The following KIF18A variants were observed in gnomAD, a reference collection of about 807,000 sequenced individuals.
The protein encoded by KIF18A is kinesin family member 18A.
Under a neutral mutation model 103.3 loss-of-function variants are expected in KIF18A, and 67 were observed. The observed-to-expected ratio is 0.65, with a 90% confidence interval of 0.53 to 0.79. KIF18A has a LOEUF of 0.79. Ranked by LOEUF, KIF18A falls within the 30% of genes least tolerant of loss-of-function variation. KIF18A has a pLI of 0.00. For synonymous variants in KIF18A, 367 were observed against 355.5 expected (o/e 1.03, Z -0.36); for missense variants, 1,032 against 1,062.5 (o/e 0.97, Z 0.40).
Position 28,045,080 on chromosome 11 carries a change from A to G in KIF18A, c.1949-8416T>C, listed in dbSNP as rs916630635. On this transcript the variant is annotated intron_variant, in intron 13 of 16. Coordinates refer to ENST00000263181, the MANE Select transcript of KIF18A (RefSeq NM_031217.4). ...TCTCTCAAATGTGTAGGATTTTAAGACATATAATTGATGAATGGTAGTGTA... is the reference window on the plus strand; with the variant it reads ...TCTCTCAAATGTGTAGGATTTTAAGGCATATAATTGATGAATGGTAGTGTA... Among the ~76,000 whole-genome samples, 4 of 152,084 alleles carry G rather than the reference A, an allele frequency of 2.6e-5. No individual in the cohort carries two copies. The East Asian group carries it at 7.7e-4, about 29-fold the overall frequency.
chr11:28,045,509 T>C (rs887171503), intron 13 of KIF18A, among the ~76,000 whole-genome samples: 1 of 151,934 alleles, frequency 6.6e-6, no homozygotes, highest in Admixed American at 6.6e-5. Context: ...TATTTAATTA[T>C]AAAATATTTC....
At chr11:28,064,580 AC>A (rs1565080944) in intron 11 of KIF18A, among the ~76,000 whole-genome samples, 1 of 152,092 alleles carries the variant, frequency 6.6e-6, no homozygotes, top group Non-Finnish European at 1.5e-5. Flanking sequence ...GTGCTCATGT[AC>A]CCTAAAACTT....
intron 10 of KIF18A, among the ~76,000 whole-genome samples, chr11:28,072,145 G>C (rs1480035148): frequency 1.3e-5 from 2 of 152,126 alleles, no homozygotes; most frequent in African/African-American, 4.8e-5. Flanking sequence ...CCTGACATTA[G>C]AGTGAAATGT....
intron 15 of KIF18A, among the ~76,000 whole-genome samples, chr11:28,028,948 G>C (rs370410901): frequency 3.3e-5 from 5 of 151,960 alleles, no homozygotes; most frequent in Admixed American, 1.3e-4. Flanking sequence ...ATAAATTCCT[G>C]GACACATACA....
chr11:28,082,678 C>T (rs1283427439), intron 9 of KIF18A, among the ~76,000 whole-genome samples, 178 bp downstream of exon 9: 1 of 151,930 alleles, frequency 6.6e-6, no homozygotes, highest in Non-Finnish European at 1.5e-5. Flanking sequence ...ACTAAATCTG[C>T]AATATCTCTG....
chr11:28,088,825 T>G, intron 5 of KIF18A, 104 bp from the exon 6 acceptor site: 2 of 892,932 alleles, frequency 2.2e-6, no homozygotes, highest in Non-Finnish European at 3.5e-6. Flanking sequence ...ATTTTCATTT[T>G]AAAAAACAAC....
At chr11:28,104,848 G>C (rs1340903226) in intron 1 of KIF18A, among the ~76,000 whole-genome samples, 1 of 152,042 alleles carries the variant, frequency 6.6e-6, no homozygotes, top group East Asian at 1.9e-4. Flanking sequence ...ATTTTTAAAA[G>C]ATATATATGT....
rs1851183367 is a variant in KIF18A, at chr11:28,082,921, G to C, written c.1197C>G (p.Ala399=). Residue 399 remains alanine (A), a synonymous_variant, in exon 9 of 17, where the codon GCC becomes GCG. Transcript: ENST00000263181. Reference sequence around the variant, plus strand: ...TTGCTTGGTCATTTTCATTAGTGAAGGCTTTCTGTTCTTCATAGGCTTTTA... The same window carrying C: ...TTGCTTGGTCATTTTCATTAGTGAACGCTTTCTGTTCTTCATAGGCTTTTA... ...EKLKAYEEQK[A]FTNENDQAKL... The C allele has an allele frequency of 4.4e-6, 7 of 1,604,968 alleles. No individual in the cohort carries two copies. Among genetic ancestry groups the C allele is most frequent in the African/African-American group, 1.3e-5 (1 of 74,634 alleles).
chr11:28,052,253 G>A (rs117062149), intron 13 of KIF18A, among the ~76,000 whole-genome samples: 124 of 152,078 alleles, frequency 8.2e-4, no homozygotes, highest in South Asian at 2.7e-3. Context: ...CACAATTGAG[G>A]TATGTTACAT....
rs1349488982 is a variant in KIF18A, at chr11:28,046,257, T to C, written c.1949-9593A>G. 1.3e-5 allele frequency among the ~76,000 whole-genome samples: 2 copies of C among 150,772 alleles called. 1 individual carries two copies. The highest frequency in any genetic ancestry group is 4.2e-4 in the South Asian group (2 of 4,778). Reference sequence around the variant, plus strand: ...AAGACACATGCACACGTATGTTTATTGCGGCACTATTCACAATAGCAAAGA... The same window carrying C: ...AAGACACATGCACACGTATGTTTATCGCGGCACTATTCACAATAGCAAAGA... On this transcript the variant is annotated intron_variant, in intron 13 of 16. Transcript: ENST00000263181.
chr11:28,044,999 G>C (rs1008316254), intron 13 of KIF18A, among the ~76,000 whole-genome samples: 1 of 152,038 alleles, frequency 6.6e-6, no homozygotes, highest in Non-Finnish European at 1.5e-5. Context: ...TATTTGGTGA[G>C]TGGTTAAGTG....
chr11:28,105,762 G>C lies in KIF18A; in HGVS notation c.-47+2302C>G, dbSNP rs1200680861. 4.6e-5 allele frequency among the ~76,000 whole-genome samples: 7 copies of C among 152,146 alleles called. No individual in the cohort carries two copies. In the East Asian group the frequency reaches 1.3e-3, roughly 29 times the overall value. On this transcript the variant is annotated intron_variant, in intron 1 of 16. Coordinates refer to ENST00000263181, the MANE Select transcript of KIF18A (RefSeq NM_031217.4). Reference sequence around the variant, plus strand: ...ATCACAGAGTGGCCATTCTCAATAAGTATGCTTTAACAATGCTTAGATTAG... The same window carrying C: ...ATCACAGAGTGGCCATTCTCAATAACTATGCTTTAACAATGCTTAGATTAG...
chr11:28,080,436 A>AGCATTCAG (rs901577077), intron 9 of KIF18A, among the ~76,000 whole-genome samples: 51 of 151,138 alleles, frequency 3.4e-4, no homozygotes, highest in Non-Finnish European at 6.5e-4. Context: ...CTACAGCATG[A>AGCATTCAG]GCATTCAGTG....
At position 28,045,936 on chromosome 11, in the gene KIF18A, T is replaced by C. The variant is rs1288314817; in HGVS notation, c.1949-9272A>G. On this transcript the variant is annotated intron_variant, in intron 13 of 16. Transcript: ENST00000263181. Reference sequence around the variant, plus strand: ...GACATTTATGCAGCCAAAAAACACATGAAAAAATGCTCATCATCACTGGCC... The same window carrying C: ...GACATTTATGCAGCCAAAAAACACACGAAAAAATGCTCATCATCACTGGCC... 2.6e-5 allele frequency among the ~76,000 whole-genome samples: 4 copies of C among 151,198 alleles called. No individual in the cohort carries two copies. In the South Asian group the frequency reaches 6.3e-4, roughly 24 times the overall value.
chr11:28,075,941 CT>C (rs897021092), intron 10 of KIF18A, among the ~76,000 whole-genome samples: 2 of 151,880 alleles, frequency 1.3e-5, no homozygotes, highest in African/African-American at 4.8e-5. Context: ...GTTCAAATGA[CT>C]TTTTTTTCTT....
chr11:28,066,097 G>A (rs1012899541), intron 11 of KIF18A, among the ~76,000 whole-genome samples: 10 of 151,986 alleles, frequency 6.6e-5, no homozygotes, highest in Non-Finnish European at 1.3e-4. Flanking sequence ...AGCTTCAGTA[G>A]TTAATTTTAA....
At chr11:28,028,337 T>C (rs978203971) in intron 15 of KIF18A, among the ~76,000 whole-genome samples, 3 of 151,862 alleles carry the variant, frequency 2.0e-5, no homozygotes, top group Admixed American at 6.6e-5. Flanking sequence ...TCTCTCAGAA[T>C]ACAGTGCAAT....
In KIF18A at chr11:28,059,019, G is replaced by C; in HGVS notation, c.1855C>G (p.Gln619Glu). The C allele has an allele frequency of 6.2e-7, 1 of 1,614,030 alleles. No homozygotes were observed. The highest frequency in any genetic ancestry group is 8.5e-7 in the Non-Finnish European group (1 of 1,179,964). The stretch of plus-strand genomic sequence containing the variant: ...TTTTGCTTTGGTTGTTCGGCAGTTT[G>C]GTCAGCCCAAACTACCACTTTTTTC... ...ERKKVVVWADQTAEQPKQNDL... is the reference protein window; with the variant it reads ...ERKKVVVWADETAEQPKQNDL... The change falls in exon 13 of 17, where the codon CAA becomes GAA. Residue 619 changes from glutamine to glutamate, a missense_variant. Gln to Glu is a conservative substitution (Grantham distance 29, BLOSUM62 2). Transcript: ENST00000263181.
intron 1 of KIF18A, among the ~76,000 whole-genome samples, chr11:28,102,764 A>T (rs1851462993): frequency 6.6e-6 from 1 of 152,228 alleles, no homozygotes; most frequent in Non-Finnish European, 1.5e-5. Context: ...GGTCAACAGA[A>T]TCATCAAATG....
Sources: allele counts gnomAD v4.1 joint callset (sites outside exome capture counted in the v4.1 genomes callset), GRCh38; gene constraint gnomAD v4.1.1; transcripts MANE v1.5; gene names NCBI Gene and HGNC (gene_info 2026-07-23, HGNC 2026-07-21).